CASD1: variants seen among roughly 807,000 people sequenced by gnomAD.
The protein encoded by CASD1 is N-acetylneuraminate (7)9-O-acetyltransferase.
In CASD1, 41 loss-of-function variants were observed where a neutral mutation model predicts 100.0. The observed-to-expected ratio is 0.41, with a 90% CI of 0.32 to 0.53. The LOEUF (loss-of-function observed/expected upper bound fraction) is 0.53. Ranked by LOEUF, CASD1 falls within the 20% of genes least tolerant of loss-of-function variation. CASD1 has a pLI of 0.25. For missense variants in CASD1, 774 were observed against 948.7 expected (o/e 0.82, Z 2.42); for synonymous variants, 321 against 315.6 (o/e 1.02, Z -0.18).
the CASD1 span, among the ~76,000 whole-genome samples, chr7:94,566,255 G>A: frequency 7.9e-5 from 12 of 152,156 alleles, no homozygotes; most frequent in Admixed American, 7.9e-4. Context: ...TCATGTATAT[G>A]TGAAAATTCT....
chr7:94,513,654 T>A (rs71562858), intron 1 of CASD1, among the ~76,000 whole-genome samples: 12,036 of 152,296 alleles, frequency 0.079, 720 homozygotes, highest in East Asian at 0.23. Flanking sequence ...TGTATTGTAA[T>A]AATTGGTATC....
chr7:94,629,672 A>C, the CASD1 span: 12 of 1,602,716 alleles, frequency 7.5e-6, no homozygotes, highest in Non-Finnish European at 5.1e-6. Context: ...AAATTAAACA[A>C]AAAATTTAGT....
At chr7:94,577,147 C>T in the CASD1 span, among the ~76,000 whole-genome samples, 1 of 152,242 alleles carries the variant, frequency 6.6e-6, no homozygotes, top group East Asian at 1.9e-4. Flanking sequence ...TTCTATGTTT[C>T]CTGGGCAGTT....
In CASD1 at chr7:94,509,815, G is replaced by A; in HGVS notation, c.-270G>A. The stretch of plus-strand genomic sequence containing the variant: ...AGAGGAGGAGGAAGGGGAGGAGACA[G>A]GCGTCCAGGGCGCCTGGGGAACCGG... On this transcript the variant is annotated 5_prime_UTR_variant, in exon 1 of 18. Transcript: ENST00000297273. 4 of 996,178 alleles carry A rather than the reference G, an allele frequency of 4.0e-6. No individual in the cohort carries two copies. The highest frequency in any genetic ancestry group is 3.6e-6 in the Non-Finnish European group (3 of 837,282). The allele number at this position is 996,178 out of a possible 1,614,324, so 61.7% of individuals were successfully genotyped here. A position where few individuals can be genotyped will look rare whatever the true frequency, so the allele number is the denominator to read the frequency against.
At chr7:94,619,195 G>C in the CASD1 span, 1 of 425,346 alleles carries the variant, frequency 2.4e-6, no homozygotes, top group Non-Finnish European at 4.2e-6. Flanking sequence ...AGGCTCATCA[G>C]GGCAATTTAT....
intron 1 of CASD1, among the ~76,000 whole-genome samples, chr7:94,514,683 A>G (rs1793884711): frequency 6.6e-6 from 1 of 152,118 alleles, no homozygotes; most frequent in African/African-American, 2.4e-5. Flanking sequence ...GCTTATACTT[A>G]AGATAAGAGA....
chr7:94,545,752 A>T (rs768123305), intron 12 of CASD1, 51 bp downstream of exon 12: 4 of 1,264,748 alleles, frequency 3.2e-6, no homozygotes, highest in Non-Finnish European at 4.4e-6. Flanking sequence ...TCAACGTGTG[A>T]AATTTCTTTG....
At chr7:94,545,842 G>A (rs897333169) in intron 12 of CASD1, 141 bp downstream of exon 12, 2 of 517,584 alleles carry the variant, frequency 3.9e-6, no homozygotes, top group Non-Finnish European at 6.6e-6. Flanking sequence ...TTGAAATTCT[G>A]TTCTTAAACG....
At chr7:94,549,451 G>T in intron 13 of CASD1, 82 bp from the exon 14 acceptor site, 1 of 958,416 alleles carries the variant, frequency 1.0e-6, no homozygotes, top group African/African-American at 1.7e-5. Context: ...CCAAACTTCA[G>T]AAAACTATAA....
rs115241877 is a variant in CASD1, at chr7:94,511,741, A to C, written c.133+1524A>C. ...ACTACAGTACTATTGTCCTAAGATAAATAAACATCTAGTCCCCTTCCTTTT... is the reference window on the plus strand; with the variant it reads ...ACTACAGTACTATTGTCCTAAGATACATAAACATCTAGTCCCCTTCCTTTT... On this transcript the variant is annotated intron_variant, in intron 1 of 17. Transcript: ENST00000297273. Among the ~76,000 whole-genome samples the C allele has an allele frequency of 3.0e-3, 460 of 152,318 alleles. 3 individuals are homozygous for C. The highest frequency in any genetic ancestry group is 0.01 in the African/African-American group (429 of 41,570).
chr7:94,569,075 CTG>C, the CASD1 span, among the ~76,000 whole-genome samples: 1 of 152,090 alleles, frequency 6.6e-6, no homozygotes, highest in Non-Finnish European at 1.5e-5. Flanking sequence ...TGATAAGACA[CTG>C]TGTTGAGTGA....
rs1191847328 is a variant in CASD1, at chr7:94,554,529, C to A, written c.2081C>A (p.Ser694Ter). Residue 694 changes from serine (S) to a stop codon, truncating the protein, a stop_gained, in exon 17 of 18, where the codon TCA becomes TAA. Transcript: ENST00000297273. LOFTEE classifies it high-confidence loss of function. ...LIRNIPGYAR[S>*]VYSSFFAWFG... The stretch of plus-strand genomic sequence containing the variant: ...AGAAACATCCCTGGATATGCCCGTT[C>A]AGTTTACAGTTCATTTTTTGCTTGG... 1 of 1,612,188 alleles carries A rather than the reference C, an allele frequency of 6.2e-7. No individual in the cohort carries two copies.
chr7:94,533,625 TTTAA>T (rs1397249373), intron 6 of CASD1, 50 bp from the exon 7 acceptor site: 4 of 1,379,554 alleles, frequency 2.9e-6, no homozygotes, highest in African/African-American at 1.5e-5. Flanking sequence ...AATTATATAC[TTTAA>T]TTGTTTGTGA....
At chr7:94,518,068 C>T (rs1392986534) in intron 2 of CASD1, 135 bp from the exon 3 acceptor site, 3 of 803,586 alleles carry the variant, frequency 3.7e-6, no homozygotes, top group East Asian at 2.8e-5. Flanking sequence ...TTAAACAAAC[C>T]TGGCCACCTG....
intron 16 of CASD1, chr7:94,553,155 A>G (rs972417292): frequency 4.2e-6 from 2 of 481,328 alleles, no homozygotes; most frequent in Admixed American, 2.3e-5. Context: ...ACCACTCTGT[A>G]TATCACTTAT....
intron 1 of CASD1, among the ~76,000 whole-genome samples, chr7:94,512,310 G>A (rs906478487): frequency 6.6e-6 from 1 of 152,128 alleles, no homozygotes. Context: ...ACGAATTTGG[G>A]CTGCATTCAA....
At chr7:94,624,178 AAC>A in the CASD1 span, 22 of 397,448 alleles carry the variant, frequency 5.5e-5, no homozygotes, top group Middle Eastern at 6.2e-4. Context: ...AAAAAAAAAA[AAC>A]AAATGATTGT....
At chr7:94,581,734 C>T in the CASD1 span, among the ~76,000 whole-genome samples, 2 of 152,184 alleles carry the variant, frequency 1.3e-5, no homozygotes, top group African/African-American at 4.8e-5. Flanking sequence ...CATAGTAGTC[C>T]ATGGTGTATA....
chr7:94,588,947 C>G, the CASD1 span: 1 of 570,774 alleles, frequency 1.8e-6, no homozygotes, highest in African/African-American at 1.9e-5. Context: ...ATGAAATTTT[C>G]ACTGCGGGCT....
Sources: gnomAD v4.1 joint callset for allele counts (sites outside exome capture counted in the v4.1 genomes callset) on GRCh38, gnomAD v4.1.1 for gene constraint, MANE v1.5 for transcripts, NCBI Gene and HGNC (gene_info 2026-07-23, HGNC 2026-07-21) for gene names.